STAB2: variants seen among roughly 807,000 people sequenced by gnomAD.
The protein encoded by STAB2 is stabilin 2.
In STAB2, 288 loss-of-function variants were observed where a neutral mutation model predicts 338.1. The observed-to-expected ratio is 0.85, with a 90% CI of 0.77 to 0.94. The LOEUF is 0.94. Ranked by LOEUF, STAB2 falls within the 40% of genes least tolerant of loss-of-function variation. STAB2 has a pLI of 0.00. For missense variants in STAB2, 3,141 were observed against 3,210.1 expected, an observed-to-expected ratio of 0.98 and a Z score of 0.52; for synonymous variants, 1,202 against 1,193.3, an observed-to-expected ratio of 1.01 and a Z score of -0.15.
intron 39 of STAB2, among the ~76,000 whole-genome samples, chr12:103,710,857 T>C (rs1272242201): frequency 6.6e-6 from 1 of 152,146 alleles, no homozygotes; most frequent in East Asian, 1.9e-4. Context: ...TCTTCCCTCA[T>C]CTCTAATGAT....
chr12:103,747,343 G>C (rs1883144032), intron 58 of STAB2, among the ~76,000 whole-genome samples: 1 of 152,148 alleles, frequency 6.6e-6, no homozygotes, highest in South Asian at 2.1e-4. Context: ...GTTTCCTATT[G>C]TCTCATATAA....
At chr12:103,670,250 C>G (rs1483880066) in intron 21 of STAB2, among the ~76,000 whole-genome samples, 3 of 152,124 alleles carry the variant, frequency 2.0e-5, no homozygotes, top group African/African-American at 7.2e-5. Context: ...GGGCCCACAC[C>G]CAACACTGAT....
In STAB2 at chr12:103,759,117, TCTC is replaced by T; in HGVS notation, c.7108-13_7108-11del. Reference sequence around the variant, plus strand: ...TGGCCTTTGAAGAGCATTCTGTGTTTCTCCTTTTTTCTCAGACCTTGTCTGGGC... The same window carrying T: ...TGGCCTTTGAAGAGCATTCTGTGTTTCTTTTTTCTCAGACCTTGTCTGGGC... On this transcript the variant is annotated splice_polypyrimidine_tract_variant and intron_variant, in intron 64 of 68. Transcript: ENST00000388887. 1 of 1,614,134 alleles carries T rather than the reference TCTC, an allele frequency of 6.2e-7. No homozygotes were observed. Among genetic ancestry groups the T allele is most frequent in the South Asian group, 1.1e-5 (1 of 91,078 alleles).
Position 103,763,407 on chromosome 12 carries a change from G to A in STAB2, c.7489-85G>A, listed in dbSNP as rs1884685731. 5 of 1,101,924 alleles carry A rather than the reference G, an allele frequency of 4.5e-6. No individual in the cohort carries two copies. In the Admixed American group the frequency reaches 7.7e-5, roughly 17 times the overall value. 68.3% of individuals were successfully genotyped at this position (1,101,924 alleles called of 1,614,324 possible). A position where few individuals can be genotyped will look rare whatever the true frequency, so the allele number is the denominator to read the frequency against. Reference sequence around the variant, plus strand: ...AAAAGGAAAAGCTCCCAGAGGCAAAGGGTGGCTTGCTTTACCTGCCAACTT... The same window carrying A: ...AAAAGGAAAAGCTCCCAGAGGCAAAAGGTGGCTTGCTTTACCTGCCAACTT... On this transcript the variant is annotated intron_variant, in intron 67 of 68. Transcript: ENST00000388887.
chr12:103,730,179 A>G lies in STAB2; in HGVS notation c.5146A>G (p.Ile1716Val). 6.2e-7 allele frequency: 1 copy of G among 1,613,610 alleles called. No individual in the cohort carries two copies. The highest frequency in any genetic ancestry group is 8.5e-7 in the Non-Finnish European group (1 of 1,179,778). Reference sequence around the variant, plus strand: ...CAGTGATATCATCAGTACTAATGGGATTGTTCATATCATAGACAAATTGCT... The same window carrying G: ...CAGTGATATCATCAGTACTAATGGGGTTGTTCATATCATAGACAAATTGCT... ...ISSDIISTNG[I>V]VHIIDKLLSP... Residue 1716 changes from isoleucine to valine, a missense_variant, in exon 49 of 69, where the codon ATT becomes GTT. Coordinates refer to ENST00000388887, the MANE Select transcript of STAB2 (RefSeq NM_017564.10).
intron 18 of STAB2, among the ~76,000 whole-genome samples, chr12:103,663,555 C>G (rs960835658): frequency 6.6e-6 from 1 of 152,012 alleles, no homozygotes; most frequent in Non-Finnish European, 1.5e-5. Context: ...ACCATCTTGC[C>G]CAAGCTGGTC....
chr12:103,676,191 A>G (rs907554777), intron 24 of STAB2, among the ~76,000 whole-genome samples, 170 bp downstream of exon 24: 2 of 151,196 alleles, frequency 1.3e-5, no homozygotes, highest in African/African-American at 4.9e-5. Flanking sequence ...CCTCCCGAGT[A>G]GCTGGGATTA....
intron 6 of STAB2, 90 bp from the exon 7 acceptor site, chr12:103,637,021 G>C: frequency 1.5e-6 from 2 of 1,371,452 alleles, no homozygotes; most frequent in South Asian, 1.7e-5. Flanking sequence ...AGTTTGTATT[G>C]CTTTTTAATA....
At position 103,712,349 on chromosome 12, in the gene STAB2, T is replaced by C; in HGVS notation, c.4335-18T>C. ...GGAGTATTTTTCTACAAACCCCATT[T>C]GTCCTTCCTTGTTGCAGCTGCCTCA... On this transcript the variant is annotated intron_variant, in intron 40 of 68. Coordinates refer to ENST00000388887, the MANE Select transcript of STAB2 (RefSeq NM_017564.10). The C allele has an allele frequency of 6.2e-7, 1 of 1,606,414 alleles. No homozygotes were observed. Among genetic ancestry groups the C allele is most frequent in the East Asian group, 2.2e-5 (1 of 44,864 alleles).
intron 5 of STAB2, among the ~76,000 whole-genome samples, chr12:103,624,769 C>G (rs111243474): frequency 0.016 from 2,444 of 152,148 alleles, 25 homozygotes; most frequent in Non-Finnish European, 0.025. Flanking sequence ...GAAACCCCAT[C>G]TCTACTAAAA....
intron 37 of STAB2, 90 bp downstream of exon 37, chr12:103,705,817 A>G: frequency 2.4e-6 from 3 of 1,230,250 alleles, no homozygotes; most frequent in South Asian, 1.3e-5. Flanking sequence ...CTGTGCAGGT[A>G]TGCTTTCTGC....
rs771971618 is a variant in STAB2 at position 103,631,674 on chromosome 12, T to C, written c.564T>C (p.Thr188=). 1.1e-5 allele frequency: 17 copies of C among 1,614,232 alleles called. No individual in the cohort carries two copies. Among genetic ancestry groups the C allele is most frequent in the Non-Finnish European group, 1.4e-5 (17 of 1,180,040 alleles). ...CCTGTGAGTGCTACTCTGCGTACACTGGCCCCAAGTGTGACAAGCGTAAGT... is the reference window on the plus strand; with the variant it reads ...CCTGTGAGTGCTACTCTGCGTACACCGGCCCCAAGTGTGACAAGCGTAAGT... ...DGTCECYSAY[T]GPKCDKPIPE... is the part of the protein sequence containing the mutation. The change falls in exon 6 of 69, where the codon ACT becomes ACC. Residue 188 remains threonine (T), a synonymous_variant. Transcript: ENST00000388887.
chr12:103,749,696 C>T (rs1350851891), intron 59 of STAB2, among the ~76,000 whole-genome samples: 1 of 150,906 alleles, frequency 6.6e-6, no homozygotes, highest in Non-Finnish European at 1.5e-5. Flanking sequence ...AAAAATTAGC[C>T]GGGCATGGTG....
At chr12:103,724,018 C>T (rs1051386207) in intron 44 of STAB2, among the ~76,000 whole-genome samples, 2 of 151,964 alleles carry the variant, frequency 1.3e-5, no homozygotes, top group Admixed American at 6.6e-5. Context: ...TGGTAGAGGC[C>T]GTTGACAAGG....
intron 57 of STAB2, 138 bp downstream of exon 57, chr12:103,745,415 G>C: frequency 1.4e-6 from 1 of 726,118 alleles, no homozygotes; most frequent in Non-Finnish European, 2.2e-6. Flanking sequence ...AGATAATTCA[G>C]ATCTGTAGCC....
intron 46 of STAB2, among the ~76,000 whole-genome samples, chr12:103,726,575 G>T (rs1881223254): frequency 6.6e-6 from 1 of 152,080 alleles, no homozygotes; most frequent in African/African-American, 2.4e-5. Context: ...AGAAAGTCTG[G>T]GACCCTGGAT....
chr12:103,708,624 CT>C (rs1182895153), intron 39 of STAB2, 88 bp downstream of exon 39: 19 of 1,183,892 alleles, frequency 1.6e-5, no homozygotes, highest in Admixed American at 4.4e-5. Flanking sequence ...TAAATGACAC[CT>C]TTTTTTACTT....
chr12:103,726,260 G>A (rs1008618361), intron 46 of STAB2, 97 bp downstream of exon 46: 20 of 1,308,930 alleles, frequency 1.5e-5, no homozygotes, highest in South Asian at 3.8e-5. Context: ...AGGCCAAGGC[G>A]GGCAGATTGC....
intron 19 of STAB2, among the ~76,000 whole-genome samples, chr12:103,668,318 TC>T (rs1349126613): frequency 1.3e-5 from 2 of 152,146 alleles, no homozygotes; most frequent in Non-Finnish European, 2.9e-5. Flanking sequence ...TGGCTATAGA[TC>T]GGAAGGGGAG....
Sources: gnomAD v4.1 joint callset for allele counts (sites outside exome capture counted in the v4.1 genomes callset) on GRCh38, gnomAD v4.1.1 for gene constraint, MANE v1.5 for transcripts, NCBI Gene and HGNC (gene_info 2026-07-23, HGNC 2026-07-21) for gene names.